Variants in XKR9 observed in about 807,000 individuals in gnomAD.
XKR9 encodes the protein XK-related protein 9.
XKR9 carries 32 observed loss-of-function variants against 32.0 expected under a neutral mutation model. That is an observed-to-expected ratio of 1.00 (90% confidence interval 0.76 to 1.34). The LOEUF (loss-of-function observed/expected upper bound fraction) is 1.34, where lower values mean the gene tolerates loss of function less well. Ranked by LOEUF, XKR9 falls within the 40% of genes most tolerant of loss-of-function variation. XKR9 has a pLI of 0.00. For synonymous variants in XKR9, 168 were observed against 143.4 expected, an observed-to-expected ratio of 1.17 and a Z score of -1.22; for missense variants, 546 against 429.7, an observed-to-expected ratio of 1.27 and a Z score of -2.39.
At chr8:70,820,376 G>T in the XKR9 span, among the ~76,000 whole-genome samples, 1 of 152,196 alleles carries the variant, frequency 6.6e-6, no homozygotes, top group Non-Finnish European at 1.5e-5. Context: ...TCATGGTCCT[G>T]CAAACTGTAC....
chr8:70,779,863 G>A (rs1408400943), intron 2 of XKR9, among the ~76,000 whole-genome samples: 7 of 151,966 alleles, frequency 4.6e-5, no homozygotes, highest in Non-Finnish European at 1.0e-4. Context: ...TATTAGTCTT[G>A]CTAGCAGTGT....
chr8:70,876,555 C>T, the XKR9 span, among the ~76,000 whole-genome samples: 1 of 152,052 alleles, frequency 6.6e-6, no homozygotes, highest in Non-Finnish European at 1.5e-5. Context: ...ATAAAAATCT[C>T]TACTTTGAAG....
chr8:70,881,244 T>C, the XKR9 span, among the ~76,000 whole-genome samples: 1 of 151,992 alleles, frequency 6.6e-6, no homozygotes, highest in East Asian at 1.9e-4. Flanking sequence ...AAAAGTAATG[T>C]CAACAAAAGC....
the XKR9 span, among the ~76,000 whole-genome samples, chr8:70,985,990 G>A: frequency 1.3e-5 from 2 of 152,128 alleles, no homozygotes; most frequent in Non-Finnish European, 2.9e-5. Context: ...CAGAGGGCAA[G>A]TAGTTAATAT....
At chr8:70,788,018 T>C (rs557713119) in intron 2 of XKR9, among the ~76,000 whole-genome samples, 5 of 152,214 alleles carry the variant, frequency 3.3e-5, no homozygotes, top group African/African-American at 1.2e-4. Flanking sequence ...AAAAGTCTAA[T>C]ATTTTGAATA....
intron 3 of XKR9, among the ~76,000 whole-genome samples, chr8:70,682,668 A>G (rs1472507822): frequency 1.6e-5 from 2 of 122,884 alleles, no homozygotes; most frequent in African/African-American, 2.6e-5. Context: ...GTTTCTAGGG[A>G]ACTTGAGAGT....
chr8:70,900,354 C>T, the XKR9 span, among the ~76,000 whole-genome samples: 1 of 152,046 alleles, frequency 6.6e-6, no homozygotes, highest in Non-Finnish European at 1.5e-5. Context: ...CTTTGGGAGG[C>T]CGAGGTGGGT....
At chr8:71,006,094 C>A in the XKR9 span, among the ~76,000 whole-genome samples, 1 of 152,198 alleles carries the variant, frequency 6.6e-6, no homozygotes, top group African/African-American at 2.4e-5. Flanking sequence ...AACTTCCAGG[C>A]CTTTCAGGCC....
chr8:70,779,013 C>T (rs900937202), intron 2 of XKR9, among the ~76,000 whole-genome samples: 1 of 152,096 alleles, frequency 6.6e-6, no homozygotes, highest in African/African-American at 2.4e-5. Context: ...GAGAAGGTGT[C>T]CTTGTCTTGC....
chr8:70,910,935 C>G, the XKR9 span, among the ~76,000 whole-genome samples: 3 of 152,216 alleles, frequency 2.0e-5, no homozygotes, highest in East Asian at 1.9e-4. Context: ...CTTACAATCC[C>G]CTTCACCCAT....
chr8:71,054,994 A>G, the XKR9 span, among the ~76,000 whole-genome samples: 1,283 of 152,330 alleles, frequency 8.4e-3, 17 homozygotes, highest in African/African-American at 0.029. Context: ...TAGTCTCTGA[A>G]CAATACAAGA....
the XKR9 span, among the ~76,000 whole-genome samples, chr8:70,887,758 T>A: frequency 6.6e-6 from 1 of 152,196 alleles, no homozygotes; most frequent in Admixed American, 6.5e-5. Context: ...TGCTTTTGAT[T>A]TTTGCACATT....
At chr8:70,745,608 G>C (rs949881559) in intron 2 of XKR9, among the ~76,000 whole-genome samples, 19 of 152,156 alleles carry the variant, frequency 1.2e-4, no homozygotes, top group Non-Finnish European at 2.4e-4. Context: ...CCCGGATGTT[G>C]CTGATGCTGC....
At chr8:70,884,113 A>G in the XKR9 span, among the ~76,000 whole-genome samples, 1 of 152,136 alleles carries the variant, frequency 6.6e-6, no homozygotes, top group Non-Finnish European at 1.5e-5. Context: ...ATTTTAAAAA[A>G]ATTTCCAATT....
At chr8:71,055,518 GA>G in the XKR9 span, among the ~76,000 whole-genome samples, 1 of 152,110 alleles carries the variant, frequency 6.6e-6, no homozygotes, top group Non-Finnish European at 1.5e-5. Flanking sequence ...AGATTAATGA[GA>G]AAAAGAAGGG....
the XKR9 span, among the ~76,000 whole-genome samples, chr8:70,842,927 G>A: frequency 6.6e-6 from 1 of 152,094 alleles, no homozygotes; most frequent in African/African-American, 2.4e-5. Flanking sequence ...ATTTTGGACT[G>A]AAGAAGGAGA....
chr8:70,740,226 C>T (rs1008264497), downstream of XKR9, among the ~76,000 whole-genome samples: 38 of 152,212 alleles, frequency 2.5e-4, no homozygotes, highest in Non-Finnish European at 5.0e-4. Flanking sequence ...TTTCATCTTC[C>T]ATCACTGATA....
At chr8:71,038,091 T>A in the XKR9 span, among the ~76,000 whole-genome samples, 1 of 152,186 alleles carries the variant, frequency 6.6e-6, no homozygotes, top group Non-Finnish European at 1.5e-5. Context: ...TTAAAGGGTT[T>A]TTTTTAGCTC....
the XKR9 span, among the ~76,000 whole-genome samples, chr8:70,887,494 G>A: frequency 1.3e-5 from 2 of 151,888 alleles, no homozygotes; most frequent in East Asian, 3.9e-4. Flanking sequence ...GAATAGCATT[G>A]AATCTATATA....
Sources: gnomAD v4.1 joint callset for allele counts (sites outside exome capture counted in the v4.1 genomes callset) on GRCh38, gnomAD v4.1.1 for gene constraint, MANE v1.5 for transcripts, NCBI Gene and HGNC (gene_info 2026-07-23, HGNC 2026-07-21) for gene names.